Variants in C21orf58 observed in about 807,000 individuals in gnomAD.
The protein encoded by C21orf58 is uncharacterized protein C21orf58.
Under a neutral mutation model 35.8 loss-of-function variants are expected in C21orf58, and 34 were observed. The ratio of observed to expected loss-of-function variants is 0.95; its 90% CI spans 0.72 to 1.26. The LOEUF (loss-of-function observed/expected upper bound fraction) is 1.26, where lower values mean the gene tolerates loss of function less well. C21orf58 is among the 50% of genes most tolerant of loss of function. The pLI is 0.00. For missense variants in C21orf58, 440 were observed against 414.3 expected (o/e 1.06, Z -0.54); for synonymous variants, 191 against 175.8 (o/e 1.09, Z -0.68).
At chr21:46,302,897 G>A (rs2082182509) in intron 6 of C21orf58, among the ~76,000 whole-genome samples, 2 of 107,344 alleles carry the variant, frequency 1.9e-5, no homozygotes, top group South Asian at 7.4e-4. Context: ...GCGGGTCCCC[G>A]GGGCGCGCCC....
At chr21:46,311,744 C>T in intron 5 of C21orf58, 177 bp from the exon 6 acceptor site, 1 of 443,852 alleles carries the variant, frequency 2.3e-6, no homozygotes, top group Non-Finnish European at 4.1e-6. Flanking sequence ...ACCAACCATC[C>T]ACCCACTCAT....
At chr21:46,318,246 G>T in intron 1 of C21orf58, 26 bp from the exon 2 acceptor site, 1 of 1,609,960 alleles carries the variant, frequency 6.2e-7, no homozygotes, top group Non-Finnish European at 8.5e-7. Flanking sequence ...AGCCCTGTGG[G>T]AAGATAGCCA....
At chr21:46,319,460 C>G (rs963319183) in intron 1 of C21orf58, among the ~76,000 whole-genome samples, 2 of 152,176 alleles carry the variant, frequency 1.3e-5, no homozygotes, top group Non-Finnish European at 2.9e-5. Flanking sequence ...CAGACTCTGG[C>G]CCCATGTTTA....
chr21:46,303,125 C>G (rs1409045511), intron 6 of C21orf58, among the ~76,000 whole-genome samples: 1 of 151,938 alleles, frequency 6.6e-6, no homozygotes, highest in Non-Finnish European at 1.5e-5. Context: ...GATCGTGCCA[C>G]TGTACTCCAG....
In C21orf58 at chr21:46,301,784, G is replaced by C. The variant is rs952880137; in HGVS notation, c.*215C>G. On this transcript the variant is annotated 3_prime_UTR_variant, in exon 8 of 8. Transcript: ENST00000291691. ...GGTTCACAGGCCCCTCACTGCAGGGGACCCGGAGCAAGGGATGCCCCCTGG... is the reference window on the plus strand; with the variant it reads ...GGTTCACAGGCCCCTCACTGCAGGGCACCCGGAGCAAGGGATGCCCCCTGG... The C allele has an allele frequency of 8.1e-7, 1 of 1,239,268 alleles. No individual in the cohort carries two copies. Among genetic ancestry groups the C allele is most frequent in the Non-Finnish European group, 1.0e-6 (1 of 992,160 alleles). The allele number at this position is 1,239,268 out of a possible 1,614,324, so 76.8% of individuals were successfully genotyped here.
intron 3 of C21orf58, among the ~76,000 whole-genome samples, chr21:46,316,522 G>A (rs754432440): frequency 2.0e-5 from 3 of 152,194 alleles, no homozygotes; most frequent in Non-Finnish European, 4.4e-5. Context: ...CCGGAAGGTG[G>A]GGGGCAGGGT....
chr21:46,310,227 A>G (rs1449155170), intron 6 of C21orf58, among the ~76,000 whole-genome samples: 5 of 152,088 alleles, frequency 3.3e-5, no homozygotes, highest in African/African-American at 1.2e-4. Flanking sequence ...CTGTAATCCC[A>G]GCACTTTGGG....
chr21:46,300,879 C>CA (rs928831560), downstream of C21orf58: 6,127 of 896,798 alleles, frequency 6.8e-3, 1 homozygote, highest in South Asian at 0.012. Context: ...TAATTGCACC[C>CA]AAAAAAAAAA....
intron 6 of C21orf58, among the ~76,000 whole-genome samples, chr21:46,307,757 C>T (rs561734596): frequency 6.6e-6 from 1 of 152,274 alleles, no homozygotes; most frequent in South Asian, 2.1e-4. Flanking sequence ...GATTTGAGGA[C>T]AGCTGTCAGG....
intron 1 of C21orf58, among the ~76,000 whole-genome samples, chr21:46,321,700 C>T (rs1248061024): frequency 6.6e-6 from 1 of 152,160 alleles, no homozygotes; most frequent in Non-Finnish European, 1.5e-5. Flanking sequence ...ACACTGTCAC[C>T]TCGACTATAA....
chr21:46,302,071 A>ATGGTGG lies in C21orf58; in HGVS notation c.891_896dup (p.His298_His299dup), dbSNP rs71318063. 1,702 of 1,506,798 alleles carry ATGGTGG rather than the reference A, an allele frequency of 1.1e-3. 3 individuals are homozygous for ATGGTGG. The highest frequency in any genetic ancestry group is 1.4e-3 in the Non-Finnish European group (1,551 of 1,121,454). 93.3% of individuals were successfully genotyped at this position (1,506,798 alleles called of 1,614,324 possible). A position where few individuals can be genotyped will look rare whatever the true frequency, so the allele number is the denominator to read the frequency against. ...TGGCAGCCCCAGGTGGCCACACAGC[A>ATGGTGG]TGGTGGTGGTGGTGGTGGTGGTGCA... On this transcript the variant is annotated inframe_insertion, in exon 8 of 8. Transcript: ENST00000291691.
chr21:46,302,376 C>G (rs1254068150), intron 7 of C21orf58, 109 bp downstream of exon 7: 1 of 1,097,918 alleles, frequency 9.1e-7, no homozygotes, highest in African/African-American at 1.6e-5. Context: ...GACTGTAGAC[C>G]TGAGCCAGGA....
At chr21:46,322,604 C>A in intron 1 of C21orf58, 35 bp downstream of exon 1, 1 of 1,472,182 alleles carries the variant, frequency 6.8e-7, no homozygotes, top group Non-Finnish European at 9.1e-7. Flanking sequence ...AATTCCGAGT[C>A]TGGGAACCAG....
At chr21:46,321,341 G>C (rs567528390) in intron 1 of C21orf58, among the ~76,000 whole-genome samples, 1 of 152,046 alleles carries the variant, frequency 6.6e-6, no homozygotes, top group African/African-American at 2.4e-5. Context: ...GCTAATTTTT[G>C]AGTGAAAGCC....
chr21:46,318,663 G>A lies in C21orf58; in HGVS notation c.101-443C>T, dbSNP rs538509216. The A allele has an allele frequency of 2.5e-5, 27 of 1,063,504 alleles. No individual in the cohort carries two copies. In the African/African-American group the frequency reaches 4.3e-4, roughly 17 times the overall value. The allele number at this position is 1,063,504 out of a possible 1,614,324, so 65.9% of individuals were successfully genotyped here. A position where few individuals can be genotyped will look rare whatever the true frequency, so the allele number is the denominator to read the frequency against. On this transcript the variant is annotated intron_variant, in intron 1 of 7. Transcript: ENST00000291691. ...ACTGGGAGGACAGGGTGAGGAGACT[G>A]CCTACCAAGGAGTTCAGGAAATTGC...
chr21:46,313,931 G>A (rs888850009), intron 5 of C21orf58, among the ~76,000 whole-genome samples: 5 of 151,986 alleles, frequency 3.3e-5, no homozygotes, highest in Non-Finnish European at 7.4e-5. Context: ...TTGACCTCCG[G>A]GCCCCCAGCT....
chr21:46,312,304 C>A (rs1006253771), intron 5 of C21orf58, among the ~76,000 whole-genome samples: 4 of 151,986 alleles, frequency 2.6e-5, no homozygotes, highest in Non-Finnish European at 5.9e-5. Context: ...TAGGAGCAAC[C>A]AACACTTGGT....
At chr21:46,304,602 T>C (rs1361318306) in intron 6 of C21orf58, among the ~76,000 whole-genome samples, 4 of 151,594 alleles carry the variant, frequency 2.6e-5, no homozygotes, top group Non-Finnish European at 5.9e-5. Flanking sequence ...CTGGCAAAAA[T>C]GAAAAGTGTG....
chr21:46,315,085 T>C (rs1270095931), intron 4 of C21orf58: 2 of 1,415,284 alleles, frequency 1.4e-6, no homozygotes, highest in South Asian at 2.8e-5. Flanking sequence ...TAGTTTCCAG[T>C]TGTTTTCTTT....
Sources: allele counts gnomAD v4.1 joint callset (sites outside exome capture counted in the v4.1 genomes callset), GRCh38; gene constraint gnomAD v4.1.1; transcripts MANE v1.5; gene names NCBI Gene and HGNC (gene_info 2026-07-23, HGNC 2026-07-21).